Variants in CD47 observed in about 807,000 individuals in gnomAD.
CD47 encodes the protein leukocyte surface antigen CD47.
CD47 carries 11 observed loss-of-function variants against 44.6 expected under a neutral mutation model. That is an observed-to-expected ratio of 0.25 (90% confidence interval 0.16 to 0.41). The LOEUF (loss-of-function observed/expected upper bound fraction) is 0.41. CD47 is among the 10% of genes least tolerant of loss of function. The pLI, the probability that CD47 is intolerant of heterozygous loss-of-function variation, is 1.00. For missense variants in CD47, 306 were observed against 386.7 expected, an observed-to-expected ratio of 0.79 and a Z score of 1.75; for synonymous variants, 140 against 136.3, an observed-to-expected ratio of 1.03 and a Z score of -0.19.
intron 3 of CD47, among the ~76,000 whole-genome samples, chr3:108,063,615 T>C (rs534040195): frequency 2.4e-4 from 37 of 152,354 alleles, no homozygotes; most frequent in African/African-American, 8.4e-4. Flanking sequence ...TCCTTATTTA[T>C]TGAATGTATC....
Position 108,043,740 on chromosome 3 carries a change from G to A in CD47, c.*3548C>T, listed in dbSNP as rs1331547477. ...TAACAACACTTTTAAGATTTAAGAT[G>A]TTGTCTTACAGAGGAGCTTAGTACA... On this transcript the variant is annotated 3_prime_UTR_variant, in exon 11 of 11. Transcript: ENST00000361309. 6.6e-6 allele frequency: 1 copy of A among 152,556 alleles called. No individual in the cohort carries two copies. The highest frequency in any genetic ancestry group is 1.9e-4 in the East Asian group (1 of 5,198). The allele number at this position is 152,556 out of a possible 1,614,324, so 9.5% of individuals were successfully genotyped here. A position where few individuals can be genotyped will look rare whatever the true frequency, so the allele number is the denominator to read the frequency against.
In CD47 at chr3:108,050,605, GA is replaced by G; in HGVS notation, c.910-4del. The G allele has an allele frequency of 1.9e-6, 2 of 1,071,056 alleles. No individual in the cohort carries two copies. Among genetic ancestry groups the G allele is most frequent in the South Asian group, 1.6e-5 (1 of 61,928 alleles). 66.3% of individuals were successfully genotyped at this position (1,071,056 alleles called of 1,614,324 possible). A position where few individuals can be genotyped will look rare whatever the true frequency, so the allele number is the denominator to read the frequency against. On this transcript the variant is annotated splice_region_variant and splice_polypyrimidine_tract_variant and intron_variant, in intron 8 of 10. Coordinates refer to ENST00000361309, the MANE Select transcript of CD47 (RefSeq NM_001777.4). ...TTAAGGGGTTCCTCTACAGCTTTCT[GA>G]AAAATATTTAAAATATATTTACATA...
chr3:108,083,492 T>A (rs2079456338), intron 1 of CD47, among the ~76,000 whole-genome samples: 1 of 152,062 alleles, frequency 6.6e-6, no homozygotes, highest in African/African-American at 2.4e-5. Flanking sequence ...AAAATATAGT[T>A]ATTATCTTTT....
chr3:108,080,043 T>C lies in CD47; in HGVS notation c.348A>G (p.Val116=), dbSNP rs560443707. Residue 116 remains valine, a synonymous_variant, in exon 2 of 11, where the codon GTA becomes GTG. Transcript: ENST00000361309. ...TTTCACCTTCTCTGGTTAATTCTGTTACTTCACAAGTGTAGTTTCCTGTGT... is the reference window on the plus strand; with the variant it reads ...TTTCACCTTCTCTGGTTAATTCTGTCACTTCACAAGTGTAGTTTCCTGTGT... ...VSHTGNYTCE[V]TELTREGETI... The C allele has an allele frequency of 1.2e-6, 2 of 1,612,822 alleles. No homozygotes were observed. Among genetic ancestry groups the C allele is most frequent in the Non-Finnish European group, 8.5e-7 (1 of 1,179,092 alleles).
Position 108,090,871 on chromosome 3 carries a change from G to A in CD47, c.38C>T (p.Ala13Val). 4.7e-6 allele frequency: 7 copies of A among 1,493,042 alleles called. No individual in the cohort carries two copies. The highest frequency in any genetic ancestry group is 2.1e-5 in the Admixed American group (1 of 47,170). The allele number at this position is 1,493,042 out of a possible 1,614,324, so 92.5% of individuals were successfully genotyped here. A position where few individuals can be genotyped will look rare whatever the true frequency, so the allele number is the denominator to read the frequency against. The change falls in exon 1 of 11, where the codon GCG (alanine) becomes GTG (valine). Residue 13 changes from alanine (A) to valine (V), a missense_variant. Ala to Val is a moderately conservative substitution (Grantham distance 64, BLOSUM62 0). Around this residue, in one of 5 missense-constraint regions of CD47, gnomAD observed 38 missense variants for 42.7 expected, o/e 0.89. Coordinates refer to ENST00000361309, the MANE Select transcript of CD47 (RefSeq NM_001777.4). ...PLVAALLLGS[A>V]CCGSAQLLFN... ...AGCGAGGAGCCACTCACCGCAGCAC[G>A]CCGAGCCCAGCAACAGCGCCGCTAC...
intron 1 of CD47, among the ~76,000 whole-genome samples, chr3:108,089,129 C>T (rs1299038186): frequency 6.6e-6 from 1 of 152,194 alleles, no homozygotes; most frequent in Non-Finnish European, 1.5e-5. Flanking sequence ...TAAACACATA[C>T]AAAAACATAT....
intron 8 of CD47, 22 bp from the exon 9 acceptor site, chr3:108,050,624 T>C (rs933495477): frequency 4.6e-6 from 4 of 871,486 alleles, no homozygotes; most frequent in Non-Finnish European, 7.1e-6. Flanking sequence ...TTAAAATATA[T>C]TTACATAAAA....
At chr3:108,054,148 T>A (rs4855615) in intron 7 of CD47, 70,071 of 152,074 alleles carry the variant, frequency 0.46, 16,368 homozygotes, top group African/African-American at 0.53. Flanking sequence ...CTTGGGAGGC[T>A]GAGGTGGGAG....
At chr3:108,054,170 CCCAGGAGCTCGAGG>C (rs2078876495) in intron 7 of CD47, 1 of 152,140 alleles carries the variant, frequency 6.6e-6, no homozygotes, top group African/African-American at 2.4e-5. Context: ...ATTGCTTGAG[CCCAGGAGCTCGAGG>C]CCAGCCTGGT....
chr3:108,048,077 G>C (rs1208443358), intron 10 of CD47, among the ~76,000 whole-genome samples: 1 of 151,614 alleles, frequency 6.6e-6, no homozygotes, highest in Non-Finnish European at 1.5e-5. Flanking sequence ...AAAAAAATAG[G>C]ACATCAGAAT....
chr3:108,071,271 G>A (rs889212771), intron 2 of CD47, 89 bp from the exon 3 acceptor site: 2 of 601,856 alleles, frequency 3.3e-6, no homozygotes, highest in Non-Finnish European at 5.7e-6. Context: ...CTTTATTATA[G>A]AGATGGAAAA....
At chr3:108,083,220 G>A (rs1404143785) in intron 1 of CD47, among the ~76,000 whole-genome samples, 5 of 151,934 alleles carry the variant, frequency 3.3e-5, no homozygotes, top group Admixed American at 6.6e-5. Flanking sequence ...AATAAAATGG[G>A]AAAATGATTT....
chr3:108,058,440 G>A lies in CD47; in HGVS notation c.692-11C>T. ...AGGTTAATCCAATCGCTGGAGGAAG[G>A]AAAAGGATGTAACAGAAGCATGTCA... On this transcript the variant is annotated splice_polypyrimidine_tract_variant and intron_variant, in intron 5 of 10. Coordinates refer to ENST00000361309, the MANE Select transcript of CD47 (RefSeq NM_001777.4). The A allele has an allele frequency of 1.3e-6, 2 of 1,530,370 alleles. No homozygotes were observed. The highest frequency in any genetic ancestry group is 8.9e-7 in the Non-Finnish European group (1 of 1,126,514). 94.8% of individuals were successfully genotyped at this position (1,530,370 alleles called of 1,614,324 possible). A position where few individuals can be genotyped will look rare whatever the true frequency, so the allele number is the denominator to read the frequency against.
Position 108,046,545 on chromosome 3 carries a change from G to A in CD47, c.*743C>T, listed in dbSNP as rs9879947. The A allele has an allele frequency of 0.45, 68,517 of 152,404 alleles. 15,553 individuals carry two copies. Among genetic ancestry groups the A allele is most frequent in the Middle Eastern group, 0.5 (148 of 294 alleles). 9.4% of individuals were successfully genotyped at this position (152,404 alleles called of 1,614,324 possible). On this transcript the variant is annotated 3_prime_UTR_variant, in exon 11 of 11. Transcript: ENST00000361309. The stretch of plus-strand genomic sequence containing the variant: ...GCTACATCTTGTACAGCAGAAGCAA[G>A]TAACAGGAGGACAAGACAGGGTTTC...
rs576619982 is a variant in CD47, at chr3:108,073,653, G to C, written c.401-2471C>G. ...GTTTGCTGGGGCAAGACCATGTAGA[G>C]TCTTAAAAGCTTGTTGGGAGAGTTT... is the stretch of plus-strand genomic sequence containing the variant. On this transcript the variant is annotated intron_variant, in intron 2 of 10. Coordinates refer to ENST00000361309, the MANE Select transcript of CD47 (RefSeq NM_001777.4). Among the ~76,000 whole-genome samples the C allele has an allele frequency of 5.3e-5, 8 of 152,342 alleles. 1 individual carries two copies. The South Asian group carries it at 1.7e-3, about 32-fold the overall frequency.
At position 108,044,910 on chromosome 3, in the gene CD47, G is replaced by C. The variant is rs542272413; in HGVS notation, c.*2378C>G. Reference sequence around the variant, plus strand: ...ATCAGGGAGTAAAAAGCATATTATGGGACAAAACAGATACATGATGTGCAA... The same window carrying C: ...ATCAGGGAGTAAAAAGCATATTATGCGACAAAACAGATACATGATGTGCAA... On this transcript the variant is annotated 3_prime_UTR_variant, in exon 11 of 11. Transcript: ENST00000361309. The C allele has an allele frequency of 1.3e-5, 2 of 152,726 alleles. No homozygotes were observed. The highest frequency in any genetic ancestry group is 2.9e-5 in the Non-Finnish European group (2 of 68,032). 9.5% of individuals were successfully genotyped at this position (152,726 alleles called of 1,614,324 possible).
chr3:108,048,914 C>A (rs1264350228), intron 10 of CD47, among the ~76,000 whole-genome samples: 1 of 152,064 alleles, frequency 6.6e-6, no homozygotes, highest in Non-Finnish European at 1.5e-5. Context: ...TAAATGCCAA[C>A]AAAACTGAGG....
At chr3:108,073,858 C>T (rs1056910764) in intron 2 of CD47, among the ~76,000 whole-genome samples, 3 of 152,178 alleles carry the variant, frequency 2.0e-5, no homozygotes, top group Admixed American at 6.5e-5. Flanking sequence ...GACCAACAAA[C>T]GCAGTCCTGA....
intron 10 of CD47, among the ~76,000 whole-genome samples, chr3:108,049,094 A>ATCTCTCTCTC (rs55708779): frequency 8.5e-5 from 11 of 129,294 alleles, no homozygotes; most frequent in Non-Finnish European, 1.8e-4. Flanking sequence ...AGGACGAAAC[A>ATCTCTCTCTC]TCTCTCTCTC....
Sources: allele counts gnomAD v4.1 joint callset (sites outside exome capture counted in the v4.1 genomes callset), GRCh38; gene constraint gnomAD v4.1.1; regional missense constraint gnomAD v4.1.1; transcripts MANE v1.5; gene names NCBI Gene and HGNC (gene_info 2026-07-23, HGNC 2026-07-21).